SIPA1L1: variants seen among roughly 807,000 people sequenced by gnomAD.
SIPA1L1 encodes signal induced proliferation associated 1 like 1.
SIPA1L1 carries 26 observed loss-of-function variants against 162.7 expected under a neutral mutation model. The observed-to-expected ratio is 0.16, with a 90% CI of 0.12 to 0.22. The LOEUF (loss-of-function observed/expected upper bound fraction) is 0.22, where lower values mean the gene tolerates loss of function less well. Ranked by LOEUF, SIPA1L1 falls within the 10% of genes least tolerant of loss-of-function variation. The pLI is 1.00. For synonymous variants in SIPA1L1, 829 were observed against 837.4 expected, an observed-to-expected ratio of 0.99 and a Z score of 0.17; for missense variants, 1,874 against 2,241.0, an observed-to-expected ratio of 0.84 and a Z score of 3.31.
At chr14:71,587,021 T>C (rs1596288916) in intron 4 of SIPA1L1, 2 of 152,372 alleles carry the variant, frequency 1.3e-5, no homozygotes, top group Middle Eastern at 6.8e-3. Context: ...CTGCTGTATT[T>C]GTTTTTGCCA....
chr14:71,539,662 C>T (rs561745006), intron 4 of SIPA1L1, among the ~76,000 whole-genome samples: 3 of 152,096 alleles, frequency 2.0e-5, no homozygotes, highest in East Asian at 1.9e-4. Flanking sequence ...TAGCCTTTGT[C>T]GAGCTTTTAT....
At chr14:71,687,776 G>GA in intron 13 of SIPA1L1, among the ~76,000 whole-genome samples, 1 of 152,122 alleles carries the variant, frequency 6.6e-6, no homozygotes, top group Non-Finnish European at 1.5e-5. Context: ...CCACCCAGAG[G>GA]AAAATGCATC....
intron 2 of SIPA1L1, among the ~76,000 whole-genome samples, chr14:71,405,628 G>A (rs747793566): frequency 5.3e-5 from 8 of 152,190 alleles, no homozygotes; most frequent in Admixed American, 2.6e-4. Flanking sequence ...TAAGCTCGGA[G>A]TTACTCTACT....
At chr14:71,394,309 A>G (rs1280620786) in intron 2 of SIPA1L1, among the ~76,000 whole-genome samples, 1 of 152,202 alleles carries the variant, frequency 6.6e-6, no homozygotes, top group Non-Finnish European at 1.5e-5. Context: ...ATACAGCATT[A>G]ATTTCCAAAT....
At chr14:71,629,635 A>T (rs2040376435) in intron 7 of SIPA1L1, among the ~76,000 whole-genome samples, 2 of 152,264 alleles carry the variant, frequency 1.3e-5, no homozygotes, top group South Asian at 4.1e-4. Flanking sequence ...GAAAATTGGT[A>T]GTTCTGTTTT....
At chr14:71,345,180 C>T (rs114604572) in intron 2 of SIPA1L1, among the ~76,000 whole-genome samples, 59 of 152,240 alleles carry the variant, frequency 3.9e-4, no homozygotes, top group Admixed American at 2.6e-3. Context: ...TTAGTAAGGA[C>T]TGTACTATGG....
chr14:71,375,764 AT>A (rs2039317222), intron 2 of SIPA1L1, among the ~76,000 whole-genome samples: 2 of 152,090 alleles, frequency 1.3e-5, no homozygotes, highest in Admixed American at 1.3e-4. Context: ...TGTGTGGAGA[AT>A]TTTTATCATG....
intron 5 of SIPA1L1, among the ~76,000 whole-genome samples, chr14:71,612,483 A>G (rs916968968): frequency 6.6e-6 from 1 of 152,236 alleles, no homozygotes; most frequent in Non-Finnish European, 1.5e-5. Context: ...AACATGTTTC[A>G]AGCAATAAAT....
chr14:71,620,106 G>A (rs779656985), intron 6 of SIPA1L1, among the ~76,000 whole-genome samples: 2 of 152,150 alleles, frequency 1.3e-5, no homozygotes, highest in East Asian at 1.9e-4. Context: ...AGTTTCACTC[G>A]TTACCCAGGC....
At position 71,685,470 on chromosome 14, in the gene SIPA1L1, C is replaced by T. The variant is rs377565054; in HGVS notation, c.3213C>T (p.Asn1071=). 1.8e-5 allele frequency: 29 copies of T among 1,614,174 alleles called. No individual in the cohort carries two copies. Among genetic ancestry groups the T allele is most frequent in the African/African-American group, 9.3e-5 (7 of 75,044 alleles). Residue 1071 remains asparagine (N), a synonymous_variant, in exon 13 of 24, where the codon AAC becomes AAT. Coordinates refer to ENST00000381232, the MANE Select transcript of SIPA1L1 (RefSeq NM_001386936.1). The stretch of plus-strand genomic sequence containing the variant: ...GAAATAATAACAAGTGGCAGAGGAA[C>T]GCCAGCAAGGGGCCTCATTCACCTC... The part of the protein sequence containing the change: ...PFRNNNKWQR[N]ASKGPHSPQV...
chr14:71,372,149 T>G (rs1021086478), intron 2 of SIPA1L1, among the ~76,000 whole-genome samples: 1 of 152,188 alleles, frequency 6.6e-6, no homozygotes, highest in African/African-American at 2.4e-5. Context: ...TACTGGGTGA[T>G]TGCCTGACAG....
chr14:71,693,554 G>A (rs1054739405), intron 13 of SIPA1L1, among the ~76,000 whole-genome samples: 6 of 152,104 alleles, frequency 3.9e-5, no homozygotes, highest in African/African-American at 1.2e-4. Context: ...TATGAATTAT[G>A]TGGTTAGAAA....
intron 2 of SIPA1L1, among the ~76,000 whole-genome samples, chr14:71,351,934 G>T (rs1028608122): frequency 2.0e-5 from 3 of 151,070 alleles, no homozygotes; most frequent in African/African-American, 7.3e-5. Flanking sequence ...TTAGTGGATG[G>T]AGCCAGACAG....
In SIPA1L1 at chr14:71,671,220, C is replaced by T. The variant is rs780750174; in HGVS notation, c.2357C>T (p.Ala786Val). ...AATGTGTTCAGGGACTTCCTTTTGG[C>T]GAAAGTGATTAATGCAGAAAATGCT... ...KSNVFRDFLL[A>V]KVINAENAAH... is the part of the protein sequence containing the mutation. The change falls in exon 11 of 24, where the codon GCG (alanine) becomes GTG (valine). Residue 786 changes from alanine (A) to valine (V), a missense_variant. Coordinates refer to ENST00000381232, the MANE Select transcript of SIPA1L1 (RefSeq NM_001386936.1). 2.0e-5 allele frequency: 33 copies of T among 1,613,936 alleles called. No homozygotes were observed. The highest frequency in any genetic ancestry group is 1.6e-4 in the Middle Eastern group (1 of 6,084).
rs1323056685 is a variant in SIPA1L1, at chr14:71,588,075, C to A, written c.203C>A (p.Thr68Asn). ...RSEGSHHITSTPGVPKMGVRA... is the reference protein window; with the variant it reads ...RSEGSHHITSNPGVPKMGVRA... Reference sequence around the variant, plus strand: ...GAAGGTTCTCACCATATAACCTCAACCCCCGGAGTCCCAAAAATGGGGGTA... The same window carrying A: ...GAAGGTTCTCACCATATAACCTCAAACCCCGGAGTCCCAAAAATGGGGGTA... The change falls in exon 5 of 24, where the codon ACC becomes AAC. Residue 68 changes from threonine (T) to asparagine (N), a missense_variant. Thr to Asn is a moderately conservative substitution (Grantham distance 65). Coordinates refer to ENST00000381232, the MANE Select transcript of SIPA1L1 (RefSeq NM_001386936.1). This position sits in a 1 kb window ranked among gnomAD's most constrained non-coding sequence, Gnocchi z 4.3. 1.9e-6 allele frequency: 3 copies of A among 1,613,994 alleles called. No homozygotes were observed. The African/African-American group carries it at 4.0e-5, about 22-fold the overall frequency.
At chr14:71,620,127 T>A (rs2039270767) in intron 6 of SIPA1L1, among the ~76,000 whole-genome samples, 1 of 152,256 alleles carries the variant, frequency 6.6e-6, no homozygotes, top group Admixed American at 6.5e-5. Context: ...TAGAGTGCAA[T>A]GGCGCGATCT....
At chr14:71,485,388 T>G (rs367944722) in intron 2 of SIPA1L1, among the ~76,000 whole-genome samples, 36 of 152,336 alleles carry the variant, frequency 2.4e-4, no homozygotes, top group African/African-American at 8.2e-4. Flanking sequence ...CATCTGTATT[T>G]ACAGCTGCTC....
At chr14:71,372,846 A>C (rs2039017588) in intron 2 of SIPA1L1, among the ~76,000 whole-genome samples, 1 of 152,208 alleles carries the variant, frequency 6.6e-6, no homozygotes, top group South Asian at 2.1e-4. Flanking sequence ...CTTCAGTGAG[A>C]AATTGCTCCA....
intron 2 of SIPA1L1, among the ~76,000 whole-genome samples, chr14:71,383,105 A>T (rs1344769346): frequency 6.6e-6 from 1 of 152,172 alleles, no homozygotes; most frequent in Non-Finnish European, 1.5e-5. Flanking sequence ...TTGTCTAGTG[A>T]GGAAAATAAA....
Sources: gnomAD v4.1 joint callset for allele counts (sites outside exome capture counted in the v4.1 genomes callset) on GRCh38, gnomAD v4.1.1 for gene constraint, Gnocchi (gnomAD v3.1) non-coding constraint, MANE v1.5 for transcripts, NCBI Gene and HGNC (gene_info 2026-07-23, HGNC 2026-07-21) for gene names.